The following LRP1B variants were observed in gnomAD, a reference collection of about 807,000 sequenced individuals.
The protein encoded by LRP1B is low-density lipoprotein receptor-related protein 1B.
A neutral mutation model predicts 556.6 loss-of-function variants in LRP1B; 217 were observed. The observed-to-expected ratio is 0.39, with a 90% confidence interval of 0.35 to 0.44. The LOEUF (loss-of-function observed/expected upper bound fraction) is 0.44, where lower values mean the gene tolerates loss of function less well. Among genes scored for constraint, LRP1B ranks in the 20% least tolerant of loss-of-function variants. The probability of loss-of-function intolerance (pLI) is 1.00; values close to 1 mark genes in which losing one functional copy is unlikely to be tolerated. For missense variants in LRP1B, 5,053 were observed against 5,620.8 expected, an observed-to-expected ratio of 0.90 and a Z score of 3.23; for synonymous variants, 2,047 against 1,865.8, an observed-to-expected ratio of 1.10 and a Z score of -2.50.
At chr2:141,139,118 TGG>T (rs1701565965) in intron 7 of LRP1B, among the ~76,000 whole-genome samples, 1 of 151,858 alleles carries the variant, frequency 6.6e-6, no homozygotes, top group African/African-American at 2.4e-5. Flanking sequence ...TTTCAACAAA[TGG>T]TGCTGGAAAA....
At chr2:141,189,937 A>AAAGAAAGAAAAGG (rs1553473170) in intron 6 of LRP1B, among the ~76,000 whole-genome samples, 50 of 150,428 alleles carry the variant, frequency 3.3e-4, no homozygotes, top group African/African-American at 1.1e-3. Context: ...CCTTTAGAAG[A>AAAGAAAGAAAAGG]AAGAAAGAAA....
At chr2:140,291,997 C>A (rs901694326) in intron 84 of LRP1B, among the ~76,000 whole-genome samples, 4 of 152,140 alleles carry the variant, frequency 2.6e-5, no homozygotes, top group African/African-American at 9.7e-5. Context: ...TTAATGATCA[C>A]CCTTCTAAGT....
chr2:140,959,540 T>G (rs1018848133), intron 18 of LRP1B, among the ~76,000 whole-genome samples: 11 of 151,628 alleles, frequency 7.3e-5, no homozygotes, highest in African/African-American at 2.7e-4. Context: ...GAATTTAGAT[T>G]TTTTATCCCA....
intron 85 of LRP1B, among the ~76,000 whole-genome samples, chr2:140,273,578 C>T (rs1034327579): frequency 1.8e-4 from 27 of 152,084 alleles, no homozygotes; most frequent in African/African-American, 4.1e-4. Flanking sequence ...ATAACTCATT[C>T]GGCACCCTTG....
chr2:141,982,424 T>C (rs1330496020), intron 1 of LRP1B, among the ~76,000 whole-genome samples: 1 of 152,176 alleles, frequency 6.6e-6, no homozygotes, highest in Non-Finnish European at 1.5e-5. Flanking sequence ...GATTTTTTCC[T>C]GGAGGAGGAA....
intron 3 of LRP1B, among the ~76,000 whole-genome samples, chr2:141,344,541 T>C (rs1219045804): frequency 1.3e-5 from 2 of 152,194 alleles, no homozygotes; most frequent in Non-Finnish European, 2.9e-5. Context: ...GGTCACTCTA[T>C]GTAAATTCTA....
At chr2:141,761,293 C>T (rs929240289) in intron 2 of LRP1B, among the ~76,000 whole-genome samples, 2 of 151,764 alleles carry the variant, frequency 1.3e-5, no homozygotes, top group Non-Finnish European at 2.9e-5. Context: ...CCCAGAGGTT[C>T]CAAAACTCTT....
At chr2:140,256,559 C>T (rs1183807360) in intron 86 of LRP1B, among the ~76,000 whole-genome samples, 1 of 135,624 alleles carries the variant, frequency 7.4e-6, no homozygotes, top group Non-Finnish European at 1.5e-5. Context: ...ACCTCTGCCT[C>T]CCAGGTTCAA....
At chr2:140,630,677 A>G (rs1196191307) in intron 41 of LRP1B, among the ~76,000 whole-genome samples, 1 of 152,174 alleles carries the variant, frequency 6.6e-6, no homozygotes, top group African/African-American at 2.4e-5. Context: ...AAGAAAAAAA[A>G]CCCTCATGTT....
intron 2 of LRP1B, among the ~76,000 whole-genome samples, chr2:141,519,405 A>ATATAT (rs1559118227): frequency 0.028 from 724 of 25,528 alleles, 26 homozygotes; most frequent in Middle Eastern, 0.047. Flanking sequence ...ATATATATGA[A>ATATAT]ATGCAATATT....
chr2:141,665,389 G>A (rs574657718), intron 2 of LRP1B, among the ~76,000 whole-genome samples: 5 of 152,208 alleles, frequency 3.3e-5, no homozygotes, highest in Middle Eastern at 3.4e-3. Flanking sequence ...ATCCCATCTC[G>A]TGCCAGTCAT....
At chr2:141,947,202 C>T (rs966933746) in intron 1 of LRP1B, among the ~76,000 whole-genome samples, 6 of 152,032 alleles carry the variant, frequency 3.9e-5, no homozygotes, top group Admixed American at 1.3e-4. Context: ...GAGGCTGAGG[C>T]GGGCAAATGG....
chr2:141,246,156 A>T (rs2105324938), intron 5 of LRP1B, among the ~76,000 whole-genome samples: 1 of 152,316 alleles, frequency 6.6e-6, no homozygotes, highest in South Asian at 2.1e-4. Context: ...ACTGGAAAAT[A>T]ACTTGGTGAT....
At chr2:141,828,832 TA>T in intron 1 of LRP1B, among the ~76,000 whole-genome samples, 1 of 151,980 alleles carries the variant, frequency 6.6e-6, no homozygotes, top group East Asian at 1.9e-4. Flanking sequence ...AAAGGGACTT[TA>T]AAAATCAATA....
At position 140,238,248 on chromosome 2, in the gene LRP1B, T is replaced by G. The variant is rs1466964285; in HGVS notation, c.13464A>C (p.Val4488=). 6.3e-7 allele frequency: 1 copy of G among 1,578,406 alleles called. No individual in the cohort carries two copies. Among genetic ancestry groups the G allele is most frequent in the Admixed American group, 1.7e-5 (1 of 59,408 alleles). ...RQPIINGGIN[V]EIGNPSYNMY... is the part of the protein sequence containing the mutation. ...TGTTATAAGATGGATTGCCAATTTC[T>G]ACATTTATTCCTCCATTGATAATAG... The change falls in exon 89 of 91, where the codon GTA becomes GTC. Residue 4488 remains valine (V), a synonymous_variant. Transcript: ENST00000389484.
chr2:140,907,754 T>C (rs2105231154), intron 22 of LRP1B, 123 bp downstream of exon 22: 1 of 853,336 alleles, frequency 1.2e-6, no homozygotes, highest in Non-Finnish European at 1.9e-6. Flanking sequence ...CAAGGTTCAA[T>C]GCTAAAAGCT....
intron 3 of LRP1B, among the ~76,000 whole-genome samples, chr2:141,412,659 T>C (rs1370751249): frequency 6.6e-6 from 1 of 152,180 alleles, no homozygotes; most frequent in African/African-American, 2.4e-5. Context: ...CAATGCAACA[T>C]ATTTCCAAAA....
At chr2:140,991,971 G>A (rs1019332185) in intron 16 of LRP1B, among the ~76,000 whole-genome samples, 1 of 151,960 alleles carries the variant, frequency 6.6e-6, no homozygotes, top group Non-Finnish European at 1.5e-5. Context: ...TTATTTTGTT[G>A]GTTGTGCAGT....
intron 3 of LRP1B, among the ~76,000 whole-genome samples, chr2:141,457,393 C>T (rs538011107): frequency 1.3e-4 from 20 of 152,144 alleles, no homozygotes; most frequent in Middle Eastern, 3.4e-3. Flanking sequence ...AATGAAAAGA[C>T]GTGGAGACAG....
Sources: gnomAD v4.1 joint callset for allele counts (sites outside exome capture counted in the v4.1 genomes callset) on GRCh38, gnomAD v4.1.1 for gene constraint, MANE v1.5 for transcripts, NCBI Gene and HGNC (gene_info 2026-07-23, HGNC 2026-07-21) for gene names.